The following USP34 variants were observed in gnomAD, a reference collection of about 807,000 sequenced individuals.
The protein encoded by USP34 is ubiquitin specific peptidase 34, also known as ubiquitin carboxyl-terminal hydrolase 34.
A neutral mutation model predicts 460.3 loss-of-function variants in USP34; 70 were observed. That is an observed-to-expected ratio of 0.15 (90% CI 0.13 to 0.19). USP34 has a LOEUF of 0.19. USP34 is among the 10% of genes least tolerant of loss of function. USP34 has a pLI of 1.00. For missense variants in USP34, 3,985 were observed against 4,236.2 expected (o/e 0.94, Z 1.65); for synonymous variants, 1,647 against 1,405.3 (o/e 1.17, Z -3.85).
chr2:61,398,090 T>A (rs1693592526), intron 3 of USP34, among the ~76,000 whole-genome samples: 1 of 151,902 alleles, frequency 6.6e-6, no homozygotes, highest in Middle Eastern at 3.4e-3. Context: ...AGATTGCTTT[T>A]AGGTTGAGTG....
chr2:61,371,388 A>T (rs116612862), intron 8 of USP34, among the ~76,000 whole-genome samples: 1,901 of 151,906 alleles, frequency 0.013, 41 homozygotes, highest in African/African-American at 0.043. Context: ...TAGTTTTTTT[A>T]AAAAAAGGCA....
chr2:61,401,659 C>T (rs1693724333), intron 3 of USP34, among the ~76,000 whole-genome samples: 3 of 147,672 alleles, frequency 2.0e-5, no homozygotes, highest in Admixed American at 1.4e-4. Flanking sequence ...TGCCATTCTC[C>T]TTCCTCAGCC....
intron 2 of USP34, among the ~76,000 whole-genome samples, chr2:61,409,545 C>T (rs1054894339): frequency 1.3e-5 from 2 of 152,124 alleles, no homozygotes; most frequent in African/African-American, 4.8e-5. Flanking sequence ...GAAACCCCAT[C>T]TCTACTAAAA....
chr2:61,441,085 G>A (rs1281354717), intron 1 of USP34, among the ~76,000 whole-genome samples: 2 of 148,888 alleles, frequency 1.3e-5, no homozygotes, highest in Non-Finnish European at 3.0e-5. Flanking sequence ...CTGAGATCGC[G>A]CCACTGCACT....
rs538847005 is a variant in USP34 at position 61,439,604 on chromosome 2, G to A, written c.44-18771C>T. Reference sequence around the variant, plus strand: ...CAAGCAGCTGTGGGTACTCAGGTTAGGATATCTGACGGGGACTCCTGTGTG... The same window carrying A: ...CAAGCAGCTGTGGGTACTCAGGTTAAGATATCTGACGGGGACTCCTGTGTG... On this transcript the variant is annotated intron_variant, in intron 1 of 79. Coordinates refer to ENST00000398571, the MANE Select transcript of USP34 (RefSeq NM_014709.4). 9.2e-5 allele frequency among the ~76,000 whole-genome samples: 14 copies of A among 152,280 alleles called. 1 individual carries two copies. The highest frequency in any genetic ancestry group is 8.5e-4 in the Admixed American group (13 of 15,298).
At chr2:61,435,530 C>A (rs1694789700) in intron 1 of USP34, among the ~76,000 whole-genome samples, 1 of 151,334 alleles carries the variant, frequency 6.6e-6, no homozygotes, top group South Asian at 2.1e-4. Context: ...GAGAAATAAA[C>A]CTTCACAAAC....
chr2:61,241,458 T>C, intron 53 of USP34, 102 bp downstream of exon 53: 2 of 727,076 alleles, frequency 2.8e-6, no homozygotes, highest in Non-Finnish European at 2.2e-6. Context: ...CTACTCAGAA[T>C]TGCAGATATC....
At chr2:61,367,809 T>C (rs1315276945) in intron 10 of USP34, among the ~76,000 whole-genome samples, 2 of 152,098 alleles carry the variant, frequency 1.3e-5, no homozygotes, top group Non-Finnish European at 2.9e-5. Flanking sequence ...AAGAGTATCA[T>C]ACTTTGGACA....
intron 12 of USP34, 72 bp from the exon 13 acceptor site, chr2:61,349,357 G>T: frequency 1.4e-6 from 2 of 1,479,616 alleles, no homozygotes; most frequent in Non-Finnish European, 1.9e-6. Flanking sequence ...CGTATCAGTT[G>T]TTCATATTAC....
intron 14 of USP34, 60 bp from the exon 15 acceptor site, chr2:61,348,540 C>T: frequency 1.9e-6 from 3 of 1,548,604 alleles, no homozygotes; most frequent in Non-Finnish European, 1.7e-6. Flanking sequence ...AAAAGGTAAC[C>T]AACATTAATA....
chr2:61,215,145 T>C (rs1418530258), intron 67 of USP34, among the ~76,000 whole-genome samples: 1 of 152,142 alleles, frequency 6.6e-6, no homozygotes. Context: ...TGTAATAACA[T>C]ACAGATATGG....
chr2:61,303,636 G>A (rs967284397), intron 27 of USP34, among the ~76,000 whole-genome samples: 1 of 150,214 alleles, frequency 6.7e-6, no homozygotes, highest in African/African-American at 2.4e-5. Flanking sequence ...TCGCTCTGTC[G>A]CCCACGCTGG....
At chr2:61,430,214 CAAAA>C (rs1232126412) in intron 1 of USP34, among the ~76,000 whole-genome samples, 2 of 78,116 alleles carry the variant, frequency 2.6e-5, no homozygotes, top group Non-Finnish European at 2.7e-5. Flanking sequence ...GTCTTCGTCA[CAAAA>C]AAAAAAAAAA....
chr2:61,433,366 G>C (rs1184366884), intron 1 of USP34, among the ~76,000 whole-genome samples: 1 of 152,224 alleles, frequency 6.6e-6, no homozygotes, highest in Non-Finnish European at 1.5e-5. Flanking sequence ...AGGTGCGGTG[G>C]CTCATGCCTG....
At chr2:61,268,438 TAAAAAAAAAA>T (rs35618230) in intron 41 of USP34, among the ~76,000 whole-genome samples, 108 of 53,418 alleles carry the variant, frequency 2.0e-3, no homozygotes, top group African/African-American at 5.9e-3. Flanking sequence ...GAGCTGTTGT[TAAAAAAAAAA>T]AAAAAAAAAA....
intron 34 of USP34, among the ~76,000 whole-genome samples, chr2:61,286,427 A>C (rs1689692166): frequency 6.6e-6 from 1 of 152,260 alleles, no homozygotes; most frequent in Non-Finnish European, 1.5e-5. Context: ...AGGCCGAGGC[A>C]GGAGGATCAC....
In USP34 at chr2:61,229,529, T is replaced by C. The variant is rs746676096; in HGVS notation, c.7199+19A>G. ...CACACAACACAGACACACAAACTTA[T>C]TCAAAAAGTACTTCTTACCCATCTT... On this transcript the variant is annotated intron_variant, in intron 59 of 79. Transcript: ENST00000398571. The C allele has an allele frequency of 1.0e-5, 16 of 1,566,640 alleles. No homozygotes were observed. The Admixed American group carries it at 2.6e-4, about 26-fold the overall frequency.
At position 61,438,773 on chromosome 2, in the gene USP34, C is replaced by T. The variant is rs191072844; in HGVS notation, c.44-17940G>A. On this transcript the variant is annotated intron_variant, in intron 1 of 79. Transcript: ENST00000398571. ...AGTAACTGTACCTGGACAAGGATCT[C>T]ACTCTCACTGCTCTTACCCAACATA... Among the ~76,000 whole-genome samples, 137 of 152,290 alleles carry T rather than the reference C, an allele frequency of 9.0e-4. No homozygotes were observed. The Middle Eastern group carries it at 0.027, about 30-fold the overall frequency.
chr2:61,457,154 T>C (rs746040231), intron 1 of USP34, among the ~76,000 whole-genome samples: 2 of 152,212 alleles, frequency 1.3e-5, no homozygotes, highest in Non-Finnish European at 2.9e-5. Context: ...CACAGGCTTA[T>C]AGTCCCAGCT....
Sources: gnomAD v4.1 joint callset for allele counts (sites outside exome capture counted in the v4.1 genomes callset) on GRCh38, gnomAD v4.1.1 for gene constraint, MANE v1.5 for transcripts, NCBI Gene and HGNC (gene_info 2026-07-23, HGNC 2026-07-21) for gene names.